PLPPR5: variants seen among roughly 807,000 people sequenced by gnomAD.
PLPPR5 encodes phospholipid phosphatase-related protein type 5.
A neutral mutation model predicts 33.9 loss-of-function variants in PLPPR5; 16 were observed. The observed-to-expected ratio is 0.47, with a 90% CI of 0.32 to 0.72. The LOEUF is 0.72. PLPPR5 is among the 30% of genes least tolerant of loss of function. The pLI is 0.03. For synonymous variants in PLPPR5, 163 were observed against 150.3 expected, an observed-to-expected ratio of 1.08 and a Z score of -0.62; for missense variants, 301 against 406.7, an observed-to-expected ratio of 0.74 and a Z score of 2.23.
chr1:98,995,430 C>A (rs752806602), intron 1 of PLPPR5, among the ~76,000 whole-genome samples: 1 of 152,100 alleles, frequency 6.6e-6, no homozygotes, highest in Non-Finnish European at 1.5e-5. Context: ...TTACTTATAA[C>A]AAACCTGCAT....
chr1:98,916,273 A>C (rs1649346085), intron 4 of PLPPR5, among the ~76,000 whole-genome samples: 1 of 152,240 alleles, frequency 6.6e-6, no homozygotes, highest in South Asian at 2.1e-4. Flanking sequence ...TTCCCAGAAG[A>C]ACTACAGATT....
chr1:98,996,763 C>T (rs1294021475), intron 1 of PLPPR5, among the ~76,000 whole-genome samples: 1 of 152,046 alleles, frequency 6.6e-6, no homozygotes, highest in Non-Finnish European at 1.5e-5. Context: ...TATCTTTAAA[C>T]ATAGATTATT....
chr1:98,947,787 C>G (rs1650610903), intron 3 of PLPPR5, among the ~76,000 whole-genome samples: 1 of 152,168 alleles, frequency 6.6e-6, no homozygotes, highest in Non-Finnish European at 1.5e-5. Context: ...CATCAATCGA[C>G]TAATAATAGT....
At chr1:98,996,524 A>G (rs564559860) in intron 1 of PLPPR5, among the ~76,000 whole-genome samples, 2 of 152,260 alleles carry the variant, frequency 1.3e-5, no homozygotes, top group African/African-American at 4.8e-5. Flanking sequence ...CAAAAAGTTT[A>G]AATAGTACTG....
chr1:98,957,793 A>G (rs545467983), intron 1 of PLPPR5, among the ~76,000 whole-genome samples: 1 of 152,308 alleles, frequency 6.6e-6, no homozygotes, highest in Admixed American at 6.5e-5. Context: ...AGAAACACCA[A>G]GACTTGGAAC....
intron 3 of PLPPR5, among the ~76,000 whole-genome samples, chr1:98,931,262 A>G (rs546568441): frequency 1.9e-3 from 286 of 151,830 alleles, no homozygotes; most frequent in Non-Finnish European, 3.1e-3. Flanking sequence ...AGCGCCTGGT[A>G]TGGTTCTTGG....
intron 1 of PLPPR5, among the ~76,000 whole-genome samples, chr1:98,999,271 A>T (rs564159166): frequency 9.1e-4 from 138 of 152,348 alleles, no homozygotes; most frequent in Non-Finnish European, 1.5e-3. Flanking sequence ...CTGCTCTGAT[A>T]CTTACACATG....
At chr1:98,984,653 TA>T (rs2100755256) in intron 1 of PLPPR5, among the ~76,000 whole-genome samples, 1 of 152,190 alleles carries the variant, frequency 6.6e-6, no homozygotes, top group African/African-American at 2.4e-5. Context: ...CAAAGGTGAA[TA>T]AAAATCTTAA....
intron 1 of PLPPR5, among the ~76,000 whole-genome samples, chr1:98,979,068 T>C (rs1263371311): frequency 2.6e-5 from 4 of 152,046 alleles, no homozygotes; most frequent in Admixed American, 2.6e-4. Flanking sequence ...CTGATACTCA[T>C]TTATACGTAA....
chr1:99,005,694 C>A (rs10783105), upstream of PLPPR5, among the ~76,000 whole-genome samples: 151,286 of 152,250 alleles, frequency 0.99, 75,172 homozygotes, highest in Middle Eastern at 1. Flanking sequence ...TCATCTCGTT[C>A]TTTATTCCCT....
intron 3 of PLPPR5, among the ~76,000 whole-genome samples, chr1:98,942,015 T>C (rs1650389230): frequency 6.6e-6 from 1 of 150,380 alleles, no homozygotes. Flanking sequence ...TATACACATA[T>C]ACGTATACAT....
intron 1 of PLPPR5, among the ~76,000 whole-genome samples, chr1:98,996,439 G>C (rs193097919): frequency 6.6e-6 from 1 of 152,212 alleles, no homozygotes. Context: ...TTTACTGACA[G>C]TGATTCTTAA....
At chr1:98,993,866 T>G (rs1017105712) in intron 1 of PLPPR5, among the ~76,000 whole-genome samples, 3 of 152,102 alleles carry the variant, frequency 2.0e-5, no homozygotes, top group African/African-American at 2.4e-5. Context: ...AAGGGATCAC[T>G]GCACTAGAAC....
intron 4 of PLPPR5, 112 bp downstream of exon 4, chr1:98,921,768 ATT>A (rs1286767608): frequency 2.5e-6 from 2 of 791,270 alleles, no homozygotes; most frequent in Non-Finnish European, 2.0e-6. Flanking sequence ...TAAATGAATG[ATT>A]TGTTTGATAT....
intron 2 of PLPPR5, among the ~76,000 whole-genome samples, chr1:98,955,319 G>GA (rs1650963666): frequency 1.3e-5 from 2 of 152,032 alleles, no homozygotes; most frequent in Non-Finnish European, 2.9e-5. Flanking sequence ...TGCAAATGCA[G>GA]AAAAATATTT....
Position 98,922,047 on chromosome 1 carries a change from G to C in PLPPR5, c.633C>G (p.Thr211=), listed in dbSNP as rs370805031. 6.2e-6 allele frequency: 10 copies of C among 1,609,994 alleles called. No individual in the cohort carries two copies. Among genetic ancestry groups the C allele is most frequent in the Non-Finnish European group, 7.6e-6 (9 of 1,179,206 alleles). ...TGGTTCCCTTGGCTTTGATTGTGTT[G>C]GTGATGTACATCTGAAACATTCAAT... ...YAAMYLTMYI[T]NTIKAKGTRL... is the part of the protein sequence containing the mutation. Residue 211 remains threonine (T), a synonymous_variant, in exon 4 of 6, where the codon ACC becomes ACG. Transcript: ENST00000263177.
chr1:98,918,562 C>T (rs1041982833), intron 4 of PLPPR5, among the ~76,000 whole-genome samples: 4 of 152,062 alleles, frequency 2.6e-5, no homozygotes, highest in African/African-American at 7.2e-5. Flanking sequence ...AAGAGTAATA[C>T]AATTAACACA....
chr1:98,920,079 T>C (rs1332961378), intron 4 of PLPPR5, among the ~76,000 whole-genome samples: 2 of 152,128 alleles, frequency 1.3e-5, no homozygotes, highest in Non-Finnish European at 2.9e-5. Flanking sequence ...AGGGCTATCA[T>C]GAAACGTTCT....
chr1:98,997,666 T>C (rs1050242587), intron 1 of PLPPR5, among the ~76,000 whole-genome samples: 4 of 152,178 alleles, frequency 2.6e-5, no homozygotes, highest in Non-Finnish European at 4.4e-5. Flanking sequence ...AAAAAAAGTA[T>C]AAAAATCTTA....
Sources: gnomAD v4.1 joint callset for allele counts (sites outside exome capture counted in the v4.1 genomes callset) on GRCh38, gnomAD v4.1.1 for gene constraint, MANE v1.5 for transcripts, NCBI Gene and HGNC (gene_info 2026-07-23, HGNC 2026-07-21) for gene names.